Variants in PRTG observed in about 807,000 individuals in gnomAD.
The protein encoded by PRTG is immunoglobulin superfamily, DCC subclass, member 5.
Under a neutral mutation model 122.5 loss-of-function variants are expected in PRTG, and 67 were observed. The ratio of observed to expected loss-of-function variants is 0.55; its 90% CI spans 0.45 to 0.67. PRTG has a LOEUF of 0.67. Among genes scored for constraint, PRTG ranks in the 30% least tolerant of loss-of-function variants. The probability of loss-of-function intolerance (pLI) is 0.00; values close to 1 mark genes in which losing one functional copy is unlikely to be tolerated. For missense variants in PRTG, 1,435 were observed against 1,415.4 expected (o/e 1.01, Z -0.22); for synonymous variants, 554 against 501.1 (o/e 1.11, Z -1.41).
chr15:55,722,368 G>A (rs2141870351), intron 2 of PRTG, among the ~76,000 whole-genome samples: 1 of 152,170 alleles, frequency 6.6e-6, no homozygotes, highest in East Asian at 1.9e-4. Flanking sequence ...TCAAGATCTA[G>A]CAAGAGTATG....
intron 11 of PRTG, among the ~76,000 whole-genome samples, chr15:55,654,835 T>C (rs2059371645): frequency 6.6e-6 from 1 of 152,210 alleles, no homozygotes; most frequent in Admixed American, 6.5e-5. Flanking sequence ...GCCATGCCAT[T>C]TTGACCCTTA....
rs1414222485 is a variant in PRTG, at chr15:55,672,532, T to G, written c.1954A>C (p.Lys652Gln). 6.2e-7 allele frequency: 1 copy of G among 1,613,958 alleles called. No individual in the cohort carries two copies. Among genetic ancestry groups the G allele is most frequent in the African/African-American group, 1.3e-5 (1 of 74,926 alleles). ...VEDTAAIQGY[K>Q]LYYKEEGQQE... ...TGCCCTTCTTCCTTGTAGTACAGCT[T>G]GTAGCCCTGAATAGCAGCTGTGTCC... Residue 652 changes from lysine to glutamine, a missense_variant, in exon 11 of 20, where the codon AAG becomes CAG. Lys to Gln is a moderately conservative substitution (Grantham distance 53). Coordinates refer to ENST00000389286, the MANE Select transcript of PRTG (RefSeq NM_173814.6).
At chr15:55,623,431 G>A (rs1045490329) in intron 18 of PRTG, among the ~76,000 whole-genome samples, 7 of 152,152 alleles carry the variant, frequency 4.6e-5, no homozygotes, top group Non-Finnish European at 7.3e-5. Context: ...GTCAGGCATG[G>A]TGGCGCACGC....
At chr15:55,626,902 T>C (rs2059197980) in intron 17 of PRTG, 106 bp downstream of exon 17, 2 of 964,282 alleles carry the variant, frequency 2.1e-6, no homozygotes, top group Admixed American at 2.7e-5. Flanking sequence ...TATTTTAAAG[T>C]AGGAAATCCC....
intron 2 of PRTG, among the ~76,000 whole-genome samples, chr15:55,719,439 A>G (rs1272436618): frequency 6.6e-6 from 1 of 152,230 alleles, no homozygotes; most frequent in African/African-American, 2.4e-5. Context: ...GAAAACTTTA[A>G]TGAGAAAAGA....
At chr15:55,717,394 G>A (rs371165876) in intron 2 of PRTG, among the ~76,000 whole-genome samples, 1 of 152,274 alleles carries the variant, frequency 6.6e-6, no homozygotes, top group Admixed American at 6.5e-5. Context: ...TGATTTATGA[G>A]ATGTTTCTTT....
rs765318343 is a variant in PRTG at position 55,638,610 on chromosome 15, T to C, written c.2391A>G (p.Leu797=). 2 of 1,613,566 alleles carry C rather than the reference T, an allele frequency of 1.2e-6. No homozygotes were observed. Among genetic ancestry groups the C allele is most frequent in the South Asian group, 2.2e-5 (2 of 91,060 alleles). Residue 797 remains leucine (L), a synonymous_variant, in exon 14 of 20, where the codon TTA becomes TTG. Transcript: ENST00000389286. The part of the protein sequence containing the change: ...PNTKYEFAVR[L]HVDQLSSPWS... ...AAGGACTGGAAAGCTGATCCACATG[T>C]AATCGAACGGCAAATTCGTATTTGG...
In PRTG at chr15:55,680,102, G is replaced by A. The variant is rs767810673; in HGVS notation, c.925C>T (p.Pro309Ser). Residue 309 changes from proline (P) to serine (S), a missense_variant, in exon 6 of 20, where the codon CCT (proline) becomes TCT (serine). Physicochemically the swap from Pro to Ser is moderately conservative, Grantham distance 74. Transcript: ENST00000389286. ...AGVYVCRATTPGTRNFTVAMA... is the reference protein window; with the variant it reads ...AGVYVCRATTSGTRNFTVAMA... ...GCAACTGTAAAGTTGCGTGTGCCAGGGGTAGTGGCCCGACAAACATATACT... is the reference window on the plus strand; with the variant it reads ...GCAACTGTAAAGTTGCGTGTGCCAGAGGTAGTGGCCCGACAAACATATACT... 8 of 1,613,730 alleles carry A rather than the reference G, an allele frequency of 5.0e-6. No homozygotes were observed. In the South Asian group the frequency reaches 5.5e-5, roughly 11 times the overall value.
intron 11 of PRTG, among the ~76,000 whole-genome samples, chr15:55,643,091 T>C (rs981335423): frequency 1.3e-5 from 2 of 151,910 alleles, no homozygotes; most frequent in Non-Finnish European, 2.9e-5. Flanking sequence ...ACTAACTAAA[T>C]AAAATTCCAG....
intron 2 of PRTG, among the ~76,000 whole-genome samples, chr15:55,695,815 C>T (rs1255438154): frequency 3.3e-5 from 5 of 152,188 alleles, no homozygotes; most frequent in Middle Eastern, 3.4e-3. Flanking sequence ...ACCAAAAATA[C>T]AAAAAATTAG....
intron 2 of PRTG, among the ~76,000 whole-genome samples, chr15:55,732,820 T>C (rs183497473): frequency 6.6e-6 from 1 of 152,268 alleles, no homozygotes; most frequent in African/African-American, 2.4e-5. Flanking sequence ...CAGTTTTCAA[T>C]GTATTATGTG....
At chr15:55,705,822 A>G (rs1325466579) in intron 2 of PRTG, among the ~76,000 whole-genome samples, 2 of 145,588 alleles carry the variant, frequency 1.4e-5, no homozygotes, top group Non-Finnish European at 3.0e-5. Flanking sequence ...TATGGACTTC[A>G]TTATTTAGCC....
intron 2 of PRTG, among the ~76,000 whole-genome samples, chr15:55,698,950 G>A (rs201453156): frequency 1.4e-4 from 21 of 152,054 alleles, no homozygotes; most frequent in South Asian, 6.2e-4. Flanking sequence ...TCATAACTGC[G>A]CATGACTAGT....
chr15:55,644,374 T>C (rs1443725340), intron 11 of PRTG, among the ~76,000 whole-genome samples: 2 of 152,180 alleles, frequency 1.3e-5, no homozygotes, highest in African/African-American at 4.8e-5. Context: ...TAATCTTTTT[T>C]CTACCATGCA....
intron 11 of PRTG, among the ~76,000 whole-genome samples, chr15:55,671,054 T>C (rs939259754): frequency 6.6e-6 from 1 of 152,026 alleles, no homozygotes; most frequent in Non-Finnish European, 1.5e-5. Flanking sequence ...AAAACCAACA[T>C]AATGAGATTA....
chr15:55,725,433 A>G (rs2030991210), intron 2 of PRTG, among the ~76,000 whole-genome samples: 1 of 152,118 alleles, frequency 6.6e-6, no homozygotes, highest in Non-Finnish European at 1.5e-5. Context: ...ATCTCTATAA[A>G]AAATACGAAA....
At chr15:55,738,899 G>A (rs2031523709) in intron 2 of PRTG, among the ~76,000 whole-genome samples, 1 of 134,748 alleles carries the variant, frequency 7.4e-6, no homozygotes, top group African/African-American at 3.2e-5. Flanking sequence ...GAGGAAGGAA[G>A]GGGGAAGGGA....
rs1309026395 is a variant in PRTG, at chr15:55,621,225, G to A, written c.3094-458C>T. Among the ~76,000 whole-genome samples, 9 of 151,994 alleles carry A rather than the reference G, an allele frequency of 5.9e-5. No homozygotes were observed. In the South Asian group the frequency reaches 1.2e-3, roughly 21 times the overall value. ...AAATTAGCCAGGCGTGGTGGCAGGC[G>A]CCTGTAATCCCAGCTCCTCAGGAGG... On this transcript the variant is annotated intron_variant, in intron 18 of 19. Transcript: ENST00000389286.
At chr15:55,680,451 T>C in intron 5 of PRTG, 40 bp downstream of exon 5, 1 of 1,535,468 alleles carries the variant, frequency 6.5e-7, no homozygotes, top group Non-Finnish European at 8.7e-7. Flanking sequence ...GAACAAAATT[T>C]AAGGAAAAGA....
Sources: gnomAD v4.1 joint callset for allele counts (sites outside exome capture counted in the v4.1 genomes callset) on GRCh38, gnomAD v4.1.1 for gene constraint, MANE v1.5 for transcripts, NCBI Gene and HGNC (gene_info 2026-07-23, HGNC 2026-07-21) for gene names.